Variants in DPP6 observed in about 807,000 individuals in gnomAD.
DPP6 encodes A-type potassium channel modulatory protein DPP6.
DPP6 carries 69 observed loss-of-function variants against 122.6 expected under a neutral mutation model. The observed-to-expected ratio is 0.56, with a 90% CI of 0.46 to 0.69. The LOEUF is 0.69. Ranked by LOEUF, DPP6 falls within the 30% of genes least tolerant of loss-of-function variation. The pLI is 0.00. For missense variants in DPP6, 928 were observed against 1,116.9 expected (o/e 0.83, Z 2.41); for synonymous variants, 418 against 433.1 (o/e 0.97, Z 0.43).
chr7:154,248,006 G>T (rs1371868980), intron 1 of DPP6, among the ~76,000 whole-genome samples: 1 of 152,182 alleles, frequency 6.6e-6, no homozygotes, highest in African/African-American at 2.4e-5. Context: ...TAGGCTGGAA[G>T]TTCGAGACCA....
chr7:154,575,514 G>T (rs1207792813), intron 5 of DPP6, among the ~76,000 whole-genome samples: 21 of 124,920 alleles, frequency 1.7e-4, no homozygotes, highest in Non-Finnish European at 2.8e-4. Flanking sequence ...TGTGTGTGTG[G>T]TGTGTGTATG....
At chr7:154,837,308 C>T (rs1801153479) in intron 16 of DPP6, among the ~76,000 whole-genome samples, 2 of 151,926 alleles carry the variant, frequency 1.3e-5, no homozygotes, top group African/African-American at 4.8e-5. Context: ...TGCACACATG[C>T]ACACAAACAC....
chr7:153,970,092 A>T (rs1380179338), intron 1 of DPP6, among the ~76,000 whole-genome samples: 4 of 152,224 alleles, frequency 2.6e-5, no homozygotes, highest in Admixed American at 6.5e-5. Context: ...CAGTTGATGG[A>T]CATTTGGGTT....
At chr7:154,778,342 G>A (rs548010711) in intron 10 of DPP6, among the ~76,000 whole-genome samples, 1 of 152,158 alleles carries the variant, frequency 6.6e-6, no homozygotes, top group East Asian at 1.9e-4. Context: ...CTCCTGGGCA[G>A]CTTACAACCT....
chr7:154,178,834 G>C (rs1378349110), intron 1 of DPP6, among the ~76,000 whole-genome samples: 1 of 152,194 alleles, frequency 6.6e-6, no homozygotes, highest in Non-Finnish European at 1.5e-5. Flanking sequence ...AGGAGGAACA[G>C]CCTCAGATGG....
chr7:153,991,176 CA>C (rs1797161515), intron 1 of DPP6, among the ~76,000 whole-genome samples: 1 of 152,124 alleles, frequency 6.6e-6, no homozygotes, highest in South Asian at 2.1e-4. Flanking sequence ...AAAGAGCACA[CA>C]CCGGCTTTTG....
intron 11 of DPP6, 119 bp downstream of exon 11, chr7:154,794,321 G>C (rs1797876633): frequency 6.6e-6 from 9 of 1,372,052 alleles, no homozygotes; most frequent in Non-Finnish European, 8.5e-6. Flanking sequence ...CGGCCGCCCA[G>C]CTGCTGCGGG....
the DPP6 span, among the ~76,000 whole-genome samples, chr7:153,847,266 G>A: frequency 6.6e-6 from 1 of 152,124 alleles, no homozygotes; most frequent in South Asian, 2.1e-4. Flanking sequence ...TTTTTATACT[G>A]TATATTTCCC....
intron 1 of DPP6, among the ~76,000 whole-genome samples, chr7:154,228,565 A>G: frequency 6.6e-6 from 1 of 152,202 alleles, no homozygotes; most frequent in East Asian, 1.9e-4. Context: ...AAACTGGGAA[A>G]GAATCTATTT....
intron 1 of DPP6, among the ~76,000 whole-genome samples, chr7:153,918,406 G>T (rs1288145288): frequency 6.9e-6 from 1 of 145,794 alleles, no homozygotes; most frequent in Admixed American, 6.9e-5. Context: ...TTCTGCCAAG[G>T]CAAAAAGAAG....
chr7:154,730,356 G>A (rs115982146), intron 8 of DPP6, among the ~76,000 whole-genome samples: 1 of 152,060 alleles, frequency 6.6e-6, no homozygotes, highest in African/African-American at 2.4e-5. Flanking sequence ...CATGACAAGG[G>A]TCTTCCACTC....
At chr7:154,310,971 G>A (rs898431790) in intron 1 of DPP6, among the ~76,000 whole-genome samples, 1 of 152,180 alleles carries the variant, frequency 6.6e-6, no homozygotes, top group African/African-American at 2.4e-5. Flanking sequence ...GAGTGAATCT[G>A]TGGATCCAGA....
At chr7:153,884,987 A>AAAAT (rs1554480990), upstream of DPP6, among the ~76,000 whole-genome samples, 6 of 116,458 alleles carry the variant, frequency 5.2e-5, no homozygotes, top group South Asian at 3.0e-4. Context: ...TCAAAACAAA[A>AAAAT]ATATATATAT....
At chr7:154,028,549 T>C (rs1436939608) in intron 1 of DPP6, among the ~76,000 whole-genome samples, 1 of 151,648 alleles carries the variant, frequency 6.6e-6, no homozygotes, top group Non-Finnish European at 1.5e-5. Flanking sequence ...CCCTGCATCC[T>C]CCTCGGTGGG....
At chr7:154,181,521 C>G (rs1198085879) in intron 1 of DPP6, among the ~76,000 whole-genome samples, 1 of 152,162 alleles carries the variant, frequency 6.6e-6, no homozygotes, top group East Asian at 1.9e-4. Context: ...AACTCCTGTC[C>G]TCTTCATTCA....
chr7:153,923,455 C>A (rs1411129233), intron 1 of DPP6, among the ~76,000 whole-genome samples: 1 of 152,048 alleles, frequency 6.6e-6, no homozygotes, highest in Admixed American at 6.6e-5. Flanking sequence ...AGGCAGTGTT[C>A]ATGAATAGAA....
chr7:154,656,487 C>G (rs1329285564), intron 6 of DPP6, among the ~76,000 whole-genome samples: 1 of 152,090 alleles, frequency 6.6e-6, no homozygotes, highest in African/African-American at 2.4e-5. Context: ...GGAGAGACCA[C>G]CCAGGCCCAG....
chr7:153,752,046 C>T, the DPP6 span, among the ~76,000 whole-genome samples: 2 of 152,112 alleles, frequency 1.3e-5, no homozygotes, highest in Non-Finnish European at 2.9e-5. Context: ...ACCTCCATGC[C>T]TAAGTTTTAT....
At chr7:154,560,014 C>T (rs1396172715) in intron 4 of DPP6, among the ~76,000 whole-genome samples, 2 of 148,392 alleles carry the variant, frequency 1.3e-5, no homozygotes, top group Non-Finnish European at 3.0e-5. Flanking sequence ...TATATATTTT[C>T]AGAGAAAATC....
Sources: allele counts gnomAD v4.1 joint callset (sites outside exome capture counted in the v4.1 genomes callset), GRCh38; gene constraint gnomAD v4.1.1; transcripts MANE v1.5; gene names NCBI Gene and HGNC (gene_info 2026-07-23, HGNC 2026-07-21).